PCSK5: variants seen among roughly 807,000 people sequenced by gnomAD.
The protein encoded by PCSK5 is prohormone convertase 5.
Under a neutral mutation model 233.2 loss-of-function variants are expected in PCSK5, and 129 were observed. The observed-to-expected ratio is 0.55, with a 90% CI of 0.48 to 0.64. The LOEUF (loss-of-function observed/expected upper bound fraction) is 0.64. Among genes scored for constraint, PCSK5 ranks in the 30% least tolerant of loss-of-function variants. The pLI is 0.00. For missense variants in PCSK5, 2,076 were observed against 2,430.1 expected, an observed-to-expected ratio of 0.85 and a Z score of 3.06; for synonymous variants, 825 against 879.2, an observed-to-expected ratio of 0.94 and a Z score of 1.09.
At chr9:76,157,233 A>C in intron 11 of PCSK5, 71 bp downstream of exon 11, 1 of 977,602 alleles carries the variant, frequency 1.0e-6, no homozygotes, top group Non-Finnish European at 1.6e-6. Context: ...TGCTCAAGAC[A>C]GCCTCTTGTT....
chr9:76,349,094 A>C (rs1178787510), intron 35 of PCSK5, among the ~76,000 whole-genome samples: 1 of 142,088 alleles, frequency 7.0e-6, no homozygotes, highest in Non-Finnish European at 1.5e-5. Context: ...ACACAGTGAA[A>C]CCCCGTCTCT....
At chr9:76,207,199 A>C (rs1487773642) in intron 20 of PCSK5, among the ~76,000 whole-genome samples, 1 of 152,148 alleles carries the variant, frequency 6.6e-6, no homozygotes, top group African/African-American at 2.4e-5. Flanking sequence ...CAAGATCTTT[A>C]ACTTAATCAC....
intron 7 of PCSK5, among the ~76,000 whole-genome samples, chr9:76,086,014 T>A (rs1201473004): frequency 1.3e-5 from 2 of 152,210 alleles, no homozygotes; most frequent in Non-Finnish European, 2.9e-5. Context: ...ATTTTACCCC[T>A]TCCATATACA....
intron 20 of PCSK5, among the ~76,000 whole-genome samples, chr9:76,225,299 T>C (rs1303002469): frequency 6.6e-6 from 1 of 152,216 alleles, no homozygotes; most frequent in Non-Finnish European, 1.5e-5. Flanking sequence ...GGCATGTATG[T>C]AGTGTTAAAA....
At chr9:76,096,180 T>TAC (rs1831501459) in intron 8 of PCSK5, 78 bp downstream of exon 8, 3 of 583,052 alleles carry the variant, frequency 5.1e-6, no homozygotes, top group African/African-American at 2.2e-5. Flanking sequence ...ACCATAAACA[T>TAC]ATATATATAT....
At chr9:76,237,071 G>A (rs543235545) in intron 22 of PCSK5, among the ~76,000 whole-genome samples, 1 of 152,246 alleles carries the variant, frequency 6.6e-6, no homozygotes, top group South Asian at 2.1e-4. Flanking sequence ...CAGAGAAATT[G>A]GGGAACTCTG....
At chr9:75,985,881 G>C (rs979380670) in intron 2 of PCSK5, among the ~76,000 whole-genome samples, 1 of 152,086 alleles carries the variant, frequency 6.6e-6, no homozygotes, top group African/African-American at 2.4e-5. Flanking sequence ...AAAGCTAAAA[G>C]TTAGCTTGTT....
intron 24 of PCSK5, among the ~76,000 whole-genome samples, chr9:76,291,869 G>GC (rs1828288116): frequency 6.6e-6 from 1 of 152,180 alleles, no homozygotes; most frequent in Non-Finnish European, 1.5e-5. Flanking sequence ...GAAGCTTGTA[G>GC]CCCCTTCCAA....
chr9:76,286,275 T>C (rs573629939), intron 24 of PCSK5, among the ~76,000 whole-genome samples: 1 of 152,370 alleles, frequency 6.6e-6, no homozygotes, highest in East Asian at 1.9e-4. Flanking sequence ...TGTCATGTGA[T>C]ATTAGTAGCC....
Position 76,359,794 on chromosome 9 carries a change from T to C in PCSK5, c.*872T>C, listed in dbSNP as rs1219851787. ...ATGGAATAAAATGACAAACACTTCA[T>C]CCGCTCTAAAAAATTCAGAGCTTTC... On this transcript the variant is annotated 3_prime_UTR_variant, in exon 38 of 38. Transcript: ENST00000674117. The C allele has an allele frequency of 6.6e-6, 1 of 152,078 alleles. No individual in the cohort carries two copies. Among genetic ancestry groups the C allele is most frequent in the East Asian group, 1.9e-4 (1 of 5,186 alleles). 9.4% of individuals were successfully genotyped at this position (152,078 alleles called of 1,614,324 possible). A position where few individuals can be genotyped will look rare whatever the true frequency, so the allele number is the denominator to read the frequency against.
chr9:76,253,953 A>G (rs1042727791), intron 24 of PCSK5, among the ~76,000 whole-genome samples: 19 of 152,166 alleles, frequency 1.2e-4, no homozygotes, highest in African/African-American at 4.3e-4. Context: ...GGTGACTTCA[A>G]ACAACACAGG....
intron 7 of PCSK5, among the ~76,000 whole-genome samples, chr9:76,079,746 T>C (rs1241228063): frequency 1.3e-5 from 2 of 152,194 alleles, no homozygotes; most frequent in Admixed American, 1.3e-4. Context: ...TTGTTTCGGT[T>C]CTCAAGGGGA....
At chr9:76,260,829 CTATT>C (rs1432472804) in intron 24 of PCSK5, among the ~76,000 whole-genome samples, 1 of 152,136 alleles carries the variant, frequency 6.6e-6, no homozygotes, top group Non-Finnish European at 1.5e-5. Flanking sequence ...CAATAGAAAA[CTATT>C]TAACTATTAC....
intron 2 of PCSK5, among the ~76,000 whole-genome samples, chr9:75,938,806 TC>T (rs1824173904): frequency 6.6e-6 from 1 of 152,184 alleles, no homozygotes; most frequent in Admixed American, 6.5e-5. Context: ...CTTGGGCAGG[TC>T]TCTTTCCTTT....
intron 24 of PCSK5, among the ~76,000 whole-genome samples, chr9:76,291,950 G>A (rs892802776): frequency 2.0e-5 from 3 of 152,152 alleles, no homozygotes; most frequent in Non-Finnish European, 4.4e-5. Context: ...GTGGATGGTC[G>A]TTGATCTTTA....
chr9:76,235,362 C>A (rs1826221101), intron 22 of PCSK5, among the ~76,000 whole-genome samples: 1 of 152,168 alleles, frequency 6.6e-6, no homozygotes, highest in Admixed American at 6.5e-5. Flanking sequence ...ATCACTTTTA[C>A]ATCTCCATAT....
chr9:75,957,946 G>A lies in PCSK5; in HGVS notation c.297+25463G>A, dbSNP rs1232187203. 2.6e-5 allele frequency among the ~76,000 whole-genome samples: 4 copies of A among 152,152 alleles called. No individual in the cohort carries two copies. The East Asian group carries it at 7.7e-4, about 29-fold the overall frequency. ...TTAGTGTTTCACCAAGGATCTAAGA[G>A]CGGGCAAATGGATCCTCCTTTCTTA... On this transcript the variant is annotated intron_variant, in intron 2 of 37. Transcript: ENST00000674117.
intron 7 of PCSK5, among the ~76,000 whole-genome samples, chr9:76,091,567 C>G (rs375141323): frequency 5.3e-5 from 8 of 152,128 alleles, no homozygotes; most frequent in African/African-American, 1.7e-4. Flanking sequence ...CTTAAGATCT[C>G]TTCTTCTCTT....
At chr9:76,042,598 G>A (rs1365074656) in intron 5 of PCSK5, among the ~76,000 whole-genome samples, 1 of 152,248 alleles carries the variant, frequency 6.6e-6, no homozygotes, top group African/African-American at 2.4e-5. Flanking sequence ...GGAGGTTGCA[G>A]TGAGCTGAGA....
Sources: gnomAD v4.1 joint callset for allele counts (sites outside exome capture counted in the v4.1 genomes callset) on GRCh38, gnomAD v4.1.1 for gene constraint, MANE v1.5 for transcripts, NCBI Gene and HGNC (gene_info 2026-07-23, HGNC 2026-07-21) for gene names.